Variants in DPYSL5 observed in about 807,000 individuals in gnomAD.
The protein encoded by DPYSL5 is dihydropyrimidinase like 5.
A neutral mutation model predicts 58.4 loss-of-function variants in DPYSL5; 9 were observed. That is an observed-to-expected ratio of 0.15 (90% CI 0.09 to 0.27). The LOEUF (loss-of-function observed/expected upper bound fraction) is 0.27, where lower values mean the gene tolerates loss of function less well. Among genes scored for constraint, DPYSL5 ranks in the 10% least tolerant of loss-of-function variants. The probability of loss-of-function intolerance (pLI) is 1.00; values close to 1 mark genes in which losing one functional copy is unlikely to be tolerated. For missense variants in DPYSL5, 499 were observed against 770.6 expected (o/e 0.65, Z 4.17); for synonymous variants, 293 against 301.9 (o/e 0.97, Z 0.31).
intron 1 of DPYSL5, among the ~76,000 whole-genome samples, chr2:26,857,905 G>A (rs2148107379): frequency 6.6e-6 from 1 of 152,320 alleles, no homozygotes; most frequent in Middle Eastern, 3.4e-3. Context: ...GTATCGTCAT[G>A]TGGCCCAGGA....
At chr2:26,867,602 C>T (rs1176629822) in intron 1 of DPYSL5, among the ~76,000 whole-genome samples, 1 of 151,312 alleles carries the variant, frequency 6.6e-6, no homozygotes, top group African/African-American at 2.4e-5. Context: ...ACTACAGGCG[C>T]CCGCCACTAC....
intron 5 of DPYSL5, among the ~76,000 whole-genome samples, chr2:26,931,203 GTATATA>G (rs373034710): frequency 2.9e-4 from 13 of 44,934 alleles, no homozygotes; most frequent in Non-Finnish European, 4.3e-4. Context: ...GTGTGTGTGT[GTATATA>G]TATATATATA....
Position 26,933,274 on chromosome 2 carries a change from A to G in DPYSL5, c.731A>G (p.Tyr244Cys). The G allele has an allele frequency of 6.2e-7, 1 of 1,613,820 alleles. No individual in the cohort carries two copies. The highest frequency in any genetic ancestry group is 8.5e-7 in the Non-Finnish European group (1 of 1,179,890). ...TGTGTTTAGACTCACTGTCCAATCT[A>G]CCTGGTCAACGTGTCCAGTATCTCG... ...TIANRTHCPIYLVNVSSISAG... is the reference protein window; with the variant it reads ...TIANRTHCPICLVNVSSISAG... The change falls in exon 7 of 13, where the codon TAC becomes TGC. Residue 244 changes from tyrosine to cysteine, a missense_variant. Around this residue, in one of 3 missense-constraint regions of DPYSL5, gnomAD observed 404 missense variants for 647.6 expected, o/e 0.62. Coordinates refer to ENST00000288699, the MANE Select transcript of DPYSL5 (RefSeq NM_020134.4). The surrounding 1 kb of genome is among the most constrained non-coding windows in gnomAD (Gnocchi z 4.2).
chr2:26,945,709 C>G (rs1665460578), intron 12 of DPYSL5, among the ~76,000 whole-genome samples: 1 of 152,224 alleles, frequency 6.6e-6, no homozygotes, highest in African/African-American at 2.4e-5. Context: ...AGAGAGAGAC[C>G]AAGCACCCAC....
intron 5 of DPYSL5, among the ~76,000 whole-genome samples, chr2:26,931,137 TA>T (rs61652873): frequency 0.17 from 8,467 of 49,636 alleles, 1,092 homozygotes; most frequent in East Asian, 0.21. Context: ...AGACCCTATC[TA>T]AAAAAAAAAA....
rs1665585858 is a variant in DPYSL5 at position 26,949,710 on chromosome 2, A to C, written c.*2715A>C. The C allele has an allele frequency of 6.6e-6, 1 of 152,206 alleles. No individual in the cohort carries two copies. The highest frequency in any genetic ancestry group is 2.4e-5 in the African/African-American group (1 of 41,418). 9.4% of individuals were successfully genotyped at this position (152,206 alleles called of 1,614,324 possible). On this transcript the variant is annotated 3_prime_UTR_variant, in exon 13 of 13. Coordinates refer to ENST00000288699, the MANE Select transcript of DPYSL5 (RefSeq NM_020134.4). ...TAGGCCATGCGCTTCATCCACCCCC[A>C]GTCCCTACATAGGCCCTACCCTTGC... is the stretch of plus-strand genomic sequence containing the variant.
At chr2:26,945,511 T>TCC (rs566563128) in intron 12 of DPYSL5, among the ~76,000 whole-genome samples, 2 of 97,690 alleles carry the variant, frequency 2.0e-5, no homozygotes, top group East Asian at 3.0e-4. Flanking sequence ...CGCCCCCCCG[T>TCC]CCCCCCCCGC....
At chr2:26,872,739 A>T (rs964992447) in intron 1 of DPYSL5, among the ~76,000 whole-genome samples, 1 of 151,862 alleles carries the variant, frequency 6.6e-6, no homozygotes, top group African/African-American at 2.4e-5. Flanking sequence ...TTTACTCTAT[A>T]TTAAAAATGG....
chr2:26,950,264 T>G lies in DPYSL5; in HGVS notation c.*3269T>G, dbSNP rs2148184198. 6.6e-6 allele frequency: 1 copy of G among 152,368 alleles called. No homozygotes were observed. Among genetic ancestry groups the G allele is most frequent in the Middle Eastern group, 3.4e-3 (1 of 294 alleles). The allele number at this position is 152,368 out of a possible 1,614,324, so 9.4% of individuals were successfully genotyped here. A position where few individuals can be genotyped will look rare whatever the true frequency, so the allele number is the denominator to read the frequency against. ...AACCCCAAGACGACACATGGTCCTG[T>G]GCTTTGGCCACCGTTTGAGGCAAAA... On this transcript the variant is annotated 3_prime_UTR_variant, in exon 13 of 13. Coordinates refer to ENST00000288699, the MANE Select transcript of DPYSL5 (RefSeq NM_020134.4). The surrounding 1 kb of genome is among the most constrained non-coding windows in gnomAD (Gnocchi z 5.3).
chr2:26,848,891 C>T (rs754196979), intron 1 of DPYSL5, among the ~76,000 whole-genome samples: 542 of 152,296 alleles, frequency 3.6e-3, no homozygotes, highest in Middle Eastern at 0.01. Context: ...GGAGCGGGCG[C>T]CGAGCCGGGT....
chr2:26,885,271 G>A (rs558740710), intron 1 of DPYSL5, among the ~76,000 whole-genome samples: 2 of 152,098 alleles, frequency 1.3e-5, no homozygotes, highest in South Asian at 2.1e-4. Context: ...CACCCATGAC[G>A]CTGGCCAATG....
chr2:26,872,141 C>T (rs1044352945), intron 1 of DPYSL5, among the ~76,000 whole-genome samples: 1 of 152,198 alleles, frequency 6.6e-6, no homozygotes, highest in African/African-American at 2.4e-5. Context: ...CACTTGTACA[C>T]GTGTTCTAAA....
At position 26,861,528 on chromosome 2, in the gene DPYSL5, C is replaced by T. The variant is rs534754587; in HGVS notation, c.-5+13274C>T. ...TTTAGTCATTTCACAGAGGAGGAAC[C>T]CACAGGGCACTTTAGCTTTCAGTGA... On this transcript the variant is annotated intron_variant, in intron 1 of 12. Transcript: ENST00000288699. 4.6e-5 allele frequency among the ~76,000 whole-genome samples: 7 copies of T among 152,260 alleles called. No homozygotes were observed. The South Asian group carries it at 1.4e-3, about 32-fold the overall frequency.
intron 1 of DPYSL5, among the ~76,000 whole-genome samples, chr2:26,888,227 TTC>T (rs1159205831): frequency 7.6e-6 from 1 of 131,148 alleles, no homozygotes; most frequent in Non-Finnish European, 1.6e-5. Flanking sequence ...CTTTCTTTCT[TTC>T]TTTCTTTCTT....
chr2:26,903,330 A>C (rs1198806860), intron 2 of DPYSL5, among the ~76,000 whole-genome samples: 1 of 152,152 alleles, frequency 6.6e-6, no homozygotes, highest in Non-Finnish European at 1.5e-5. Context: ...TCGGCCTCCC[A>C]AATATTCCTC....
At chr2:26,848,871 T>A (rs924410946) in intron 1 of DPYSL5, among the ~76,000 whole-genome samples, 2 of 152,042 alleles carry the variant, frequency 1.3e-5, no homozygotes, top group African/African-American at 4.8e-5. Context: ...CTCCTGCGGC[T>A]GCCCAGCCCG....
rs1558351520 is a variant in DPYSL5 at position 26,932,181 on chromosome 2, A to AAGAAAGAAAGAAAGAC, written c.714+512_714+513insCAGAAAGAAAGAAAGA. ...AAAGAAAGAAAGAAAGAAAGAAAGA[A>AAGAAAGAAAGAAAGAC]AGAAAGAAAGAAAGAAAGAAAGAAA... On this transcript the variant is annotated intron_variant, in intron 6 of 12. Transcript: ENST00000288699. Among the ~76,000 whole-genome samples the AAGAAAGAAAGAAAGAC allele has an allele frequency of 2.3e-3, 174 of 75,010 alleles. 1 individual carries two copies. The highest frequency in any genetic ancestry group is 4.5e-3 in the African/African-American group (94 of 20,892). The allele number at this position is 75,010 out of a possible 152,430, so 49.2% of individuals were successfully genotyped here. A position where few individuals can be genotyped will look rare whatever the true frequency, so the allele number is the denominator to read the frequency against.
intron 1 of DPYSL5, among the ~76,000 whole-genome samples, chr2:26,892,460 T>C (rs1663905699): frequency 1.3e-5 from 2 of 152,228 alleles, no homozygotes; most frequent in African/African-American, 4.8e-5. Flanking sequence ...TCTTGTCATT[T>C]ATAACATTGA....
At position 26,932,068 on chromosome 2, in the gene DPYSL5, A is replaced by G. The variant is rs866567974; in HGVS notation, c.714+384A>G. ...AGAAAGGAAAGAAAGAAAGAAAGAA[A>G]GAAAGAAAGAAAGAAAAGAAAAAAG... On this transcript the variant is annotated intron_variant, in intron 6 of 12. Transcript: ENST00000288699. Among the ~76,000 whole-genome samples the G allele has an allele frequency of 7.2e-5, 8 of 110,892 alleles. No homozygotes were observed. The Middle Eastern group carries it at 0.015, about 202-fold the overall frequency. 72.7% of individuals were successfully genotyped at this position (110,892 alleles called of 152,430 possible).
Sources: gnomAD v4.1 joint callset for allele counts (sites outside exome capture counted in the v4.1 genomes callset) on GRCh38, gnomAD v4.1.1 for gene constraint, gnomAD v4.1.1 regional missense constraint, Gnocchi (gnomAD v3.1) non-coding constraint, MANE v1.5 for transcripts, NCBI Gene and HGNC (gene_info 2026-07-23, HGNC 2026-07-21) for gene names.